Variants in FXN observed in about 807,000 individuals in gnomAD.
The protein encoded by FXN is frataxin, also known as frataxin, mitochondrial.
FXN carries 14 observed loss-of-function variants against 22.4 expected under a neutral mutation model. The observed-to-expected ratio is 0.62, with a 90% CI of 0.41 to 0.98. The LOEUF (loss-of-function observed/expected upper bound fraction) is 0.98. Ranked by LOEUF, FXN falls within the 50% of genes least tolerant of loss-of-function variation. The probability of loss-of-function intolerance (pLI) is 0.00; values close to 1 mark genes in which losing one functional copy is unlikely to be tolerated. For synonymous variants in FXN, 120 were observed against 114.1 expected (o/e 1.05, Z -0.33); for missense variants, 267 against 268.4 (o/e 0.99, Z 0.04).
intron 4 of FXN, among the ~76,000 whole-genome samples, chr9:69,068,773 T>TA (rs149382769): frequency 0.012 from 1,865 of 152,334 alleles, 35 homozygotes; most frequent in African/African-American, 0.042. Context: ...GTGGTGGTCT[T>TA]ACGTTGACCA....
At chr9:69,048,279 T>C (rs1313801631) in intron 2 of FXN, among the ~76,000 whole-genome samples, 2 of 152,186 alleles carry the variant, frequency 1.3e-5, no homozygotes, top group Admixed American at 1.3e-4. Context: ...TCCCTTGTTT[T>C]GGCTCAATGG....
At position 69,078,280 on chromosome 9, in the gene FXN, A is replaced by G. The variant is rs1832407517; in HGVS notation, c.*5518A>G. 1.0e-6 allele frequency: 1 copy of G among 985,366 alleles called. No individual in the cohort carries two copies. Among genetic ancestry groups the G allele is most frequent in the South Asian group, 4.7e-5 (1 of 21,294 alleles). 61.0% of individuals were successfully genotyped at this position (985,366 alleles called of 1,614,324 possible). A position where few individuals can be genotyped will look rare whatever the true frequency, so the allele number is the denominator to read the frequency against. On this transcript the variant is annotated 3_prime_UTR_variant, in exon 5 of 5. Transcript: ENST00000484259. ...CAGTTATGCAAACCGTCCAGAGCAT[A>G]GCCACCTGATCCTGCTGGGATTCCT...
chr9:69,039,834 C>T (rs1366777606), intron 1 of FXN, among the ~76,000 whole-genome samples: 5 of 152,146 alleles, frequency 3.3e-5, no homozygotes, highest in Admixed American at 6.6e-5. Flanking sequence ...CTTCTTACTG[C>T]TCTGGAGGCT....
At chr9:69,036,014 G>C (rs867250717) in intron 1 of FXN, 67 bp downstream of exon 1, 2 of 1,214,780 alleles carry the variant, frequency 1.6e-6, no homozygotes, top group Non-Finnish European at 2.1e-6. Flanking sequence ...CGCCTGCGCA[G>C]GGAGGCGCCG....
At chr9:69,057,476 G>T (rs1489288173) in intron 3 of FXN, among the ~76,000 whole-genome samples, 1 of 152,122 alleles carries the variant, frequency 6.6e-6, no homozygotes. Context: ...TATACCTTGA[G>T]TATCACTCAA....
At chr9:69,039,998 C>T (rs1831627759) in intron 1 of FXN, among the ~76,000 whole-genome samples, 1 of 152,156 alleles carries the variant, frequency 6.6e-6, no homozygotes, top group Admixed American at 6.5e-5. Flanking sequence ...CATGATAACC[C>T]ATTAATCTAT....
chr9:69,059,318 T>C (rs1201340978), intron 3 of FXN, among the ~76,000 whole-genome samples: 1 of 149,800 alleles, frequency 6.7e-6, no homozygotes, highest in Non-Finnish European at 1.5e-5. Flanking sequence ...CATTCCAGCT[T>C]CAAGCTGGAA....
chr9:69,078,788 G>T lies in FXN; in HGVS notation c.*6026G>T, dbSNP rs555323842. 67 of 985,480 alleles carry T rather than the reference G, an allele frequency of 6.8e-5. No individual in the cohort carries two copies. In the Middle Eastern group the frequency reaches 3.1e-3, roughly 46 times the overall value. 61.0% of individuals were successfully genotyped at this position (985,480 alleles called of 1,614,324 possible). The stretch of plus-strand genomic sequence containing the variant: ...GATTCTACCCTGAAAAATGTTCTTG[G>T]CACAGCCTTGCAAACTCCTCCTCCA... On this transcript the variant is annotated 3_prime_UTR_variant, in exon 5 of 5. Coordinates refer to ENST00000484259, the MANE Select transcript of FXN (RefSeq NM_000144.5).
rs2133147103 is a variant in FXN at position 69,077,561 on chromosome 9, A to G, written c.*4799A>G. On this transcript the variant is annotated 3_prime_UTR_variant, in exon 5 of 5. Transcript: ENST00000484259. ...CCATCCAGGTAGAAGTACTAGTGCA[A>G]GAAGGGCCTCTGCTGTCCACTTGTG... The G allele has an allele frequency of 1.0e-6, 1 of 985,452 alleles. No individual in the cohort carries two copies. Among genetic ancestry groups the G allele is most frequent in the South Asian group, 4.7e-5 (1 of 21,288 alleles). The allele number at this position is 985,452 out of a possible 1,614,324, so 61.0% of individuals were successfully genotyped here.
At chr9:69,065,188 G>C in intron 4 of FXN, 153 bp downstream of exon 4, 1 of 693,684 alleles carries the variant, frequency 1.4e-6, no homozygotes, top group Non-Finnish European at 2.6e-6. Flanking sequence ...ATCACTTGAG[G>C]ACAGGAGTTC....
At chr9:69,057,956 A>C (rs1831990554) in intron 3 of FXN, among the ~76,000 whole-genome samples, 1 of 152,244 alleles carries the variant, frequency 6.6e-6, no homozygotes, top group South Asian at 2.1e-4. Flanking sequence ...TGTCTGGAAC[A>C]GTGCCAAGTA....
In FXN at chr9:69,076,610, T is replaced by C; in HGVS notation, c.*3848T>C. 1.0e-6 allele frequency: 1 copy of C among 985,452 alleles called. No individual in the cohort carries two copies. The highest frequency in any genetic ancestry group is 1.2e-6 in the Non-Finnish European group (1 of 829,944). 61.0% of individuals were successfully genotyped at this position (985,452 alleles called of 1,614,324 possible). On this transcript the variant is annotated 3_prime_UTR_variant, in exon 5 of 5. Transcript: ENST00000484259. ...TTATCCAGCTATACCTGCCCCAAAT[T>C]CTGACAGATGCTTTTGCCACCTCTA...
intron 3 of FXN, among the ~76,000 whole-genome samples, chr9:69,059,418 T>A (rs1587825181): frequency 6.9e-6 from 1 of 145,356 alleles, no homozygotes; most frequent in Non-Finnish European, 1.5e-5. Context: ...TTTTTTTTTT[T>A]GAGAGAGATC....
In FXN at chr9:69,077,356, C is replaced by T; in HGVS notation, c.*4594C>T. On this transcript the variant is annotated 3_prime_UTR_variant, in exon 5 of 5. Transcript: ENST00000484259. Reference sequence around the variant, plus strand: ...ATCCGCTACAGAGACAGAATCCAAGCTCATATGTTCCATCTTCTCTGGCTG... The same window carrying T: ...ATCCGCTACAGAGACAGAATCCAAGTTCATATGTTCCATCTTCTCTGGCTG... 1.0e-6 allele frequency: 1 copy of T among 985,448 alleles called. No individual in the cohort carries two copies. The highest frequency in any genetic ancestry group is 1.2e-6 in the Non-Finnish European group (1 of 829,958). 61.0% of individuals were successfully genotyped at this position (985,448 alleles called of 1,614,324 possible).
At chr9:69,050,783 T>C (rs897902358) in intron 2 of FXN, among the ~76,000 whole-genome samples, 226 of 104,740 alleles carry the variant, frequency 2.2e-3, no homozygotes, top group African/African-American at 7.5e-3. Context: ...CTTGGCCAAC[T>C]CTTTTTTTTT....
chr9:69,067,256 C>T lies in FXN; in HGVS notation c.482+2221C>T, dbSNP rs1049828944. Reference sequence around the variant, plus strand: ...CCCGGCCTGCTGCCCACACAGACTGCGGGGTTCCGGGGGAGCAGGACCCAG... The same window carrying T: ...CCCGGCCTGCTGCCCACACAGACTGTGGGGTTCCGGGGGAGCAGGACCCAG... On this transcript the variant is annotated intron_variant, in intron 4 of 4. Coordinates refer to ENST00000484259, the MANE Select transcript of FXN (RefSeq NM_000144.5). Among the ~76,000 whole-genome samples, 7 of 152,360 alleles carry T rather than the reference C, an allele frequency of 4.6e-5. No individual in the cohort carries two copies. The South Asian group carries it at 8.3e-4, about 18-fold the overall frequency.
At chr9:69,064,766 C>T (rs368738876) in intron 3 of FXN, among the ~76,000 whole-genome samples, 172 bp from the exon 4 acceptor site, 1 of 152,186 alleles carries the variant, frequency 6.6e-6, no homozygotes, top group African/African-American at 2.4e-5. Context: ...GAAAGCAAAG[C>T]TCTTCCTACA....
intron 1 of FXN, among the ~76,000 whole-genome samples, chr9:69,044,395 T>C (rs1564330261): frequency 6.6e-6 from 1 of 152,200 alleles, no homozygotes; most frequent in Non-Finnish European, 1.5e-5. Flanking sequence ...AGGTCTGCAC[T>C]CTGCCCCACC....
chr9:69,077,904 T>A lies in FXN; in HGVS notation c.*5142T>A. 1 of 962,442 alleles carries A rather than the reference T, an allele frequency of 1.0e-6. No homozygotes were observed. The highest frequency in any genetic ancestry group is 1.2e-6 in the Non-Finnish European group (1 of 809,206). The allele number at this position is 962,442 out of a possible 1,614,324, so 59.6% of individuals were successfully genotyped here. The stretch of plus-strand genomic sequence containing the variant: ...GAGATTACACCACTGCACTCCAGCC[T>A]GGGTGACAAGAGGGAAACTCCATTA... On this transcript the variant is annotated 3_prime_UTR_variant, in exon 5 of 5. Coordinates refer to ENST00000484259, the MANE Select transcript of FXN (RefSeq NM_000144.5).
Sources: gnomAD v4.1 joint callset for allele counts (sites outside exome capture counted in the v4.1 genomes callset) on GRCh38, gnomAD v4.1.1 for gene constraint, MANE v1.5 for transcripts, NCBI Gene and HGNC (gene_info 2026-07-23, HGNC 2026-07-21) for gene names.